Variants in RHOBTB2 observed in about 807,000 individuals in gnomAD.
The protein encoded by RHOBTB2 is rho-related BTB domain-containing protein 2.
A neutral mutation model predicts 66.5 loss-of-function variants in RHOBTB2; 39 were observed. The ratio of observed to expected loss-of-function variants is 0.59; its 90% confidence interval spans 0.45 to 0.77. The LOEUF (loss-of-function observed/expected upper bound fraction) is 0.77, where lower values mean the gene tolerates loss of function less well. Ranked by LOEUF, RHOBTB2 falls within the 30% of genes least tolerant of loss-of-function variation. The pLI is 0.00. For missense variants in RHOBTB2, 755 were observed against 999.1 expected, an observed-to-expected ratio of 0.76 and a Z score of 3.29; for synonymous variants, 390 against 395.0, an observed-to-expected ratio of 0.99 and a Z score of 0.15.
At position 23,014,785 on chromosome 8, in the gene RHOBTB2, T is replaced by C. The variant is rs772259785; in HGVS notation, c.1860+7T>C. On this transcript the variant is annotated splice_region_variant and intron_variant, in intron 8 of 9. Coordinates refer to ENST00000251822, the MANE Select transcript of RHOBTB2 (RefSeq NM_015178.3). ...GTTCCTGGAACTGGCTCAGGTATCA[T>C]GGCAGGGGAGGGAATCTACAACAGT... is the stretch of plus-strand genomic sequence containing the variant. 29 of 1,610,620 alleles carry C rather than the reference T, an allele frequency of 1.8e-5. No individual in the cohort carries two copies. The highest frequency in any genetic ancestry group is 6.7e-5 in the Admixed American group (4 of 59,952).
intron 2 of RHOBTB2, 115 bp from the exon 3 acceptor site, chr8:23,005,257 C>A: frequency 1.4e-6 from 1 of 717,484 alleles, no homozygotes; most frequent in South Asian, 1.5e-5. Flanking sequence ...CCTTGTCCCT[C>A]CATGCCCAGT....
At chr8:22,951,386 G>A in the RHOBTB2 span, among the ~76,000 whole-genome samples, 22 of 151,294 alleles carry the variant, frequency 1.5e-4, no homozygotes, top group African/African-American at 4.1e-4. Flanking sequence ...TGAGTGTCAC[G>A]CGCATCCATG....
Position 23,017,125 on chromosome 8 carries a change from C to T in RHOBTB2, c.1967-127C>T, listed in dbSNP as rs1252463160. 4 of 1,238,130 alleles carry T rather than the reference C, an allele frequency of 3.2e-6. No individual in the cohort carries two copies. In the East Asian group the frequency reaches 9.3e-5, roughly 29 times the overall value. 76.7% of individuals were successfully genotyped at this position (1,238,130 alleles called of 1,614,324 possible). A position where few individuals can be genotyped will look rare whatever the true frequency, so the allele number is the denominator to read the frequency against. On this transcript the variant is annotated intron_variant, in intron 9 of 9. Transcript: ENST00000251822. The surrounding 1 kb of genome is among the most constrained non-coding windows in gnomAD (Gnocchi z 5.3). ...CCTCGGAGGCTCATGTGCCGTGGGT[C>T]ATGGGGATGTGCTGGGGGCTGGGCT... is the stretch of plus-strand genomic sequence containing the variant.
At chr8:22,977,043 C>T in the RHOBTB2 span, among the ~76,000 whole-genome samples, 1 of 152,114 alleles carries the variant, frequency 6.6e-6, no homozygotes, top group Non-Finnish European at 1.5e-5. Flanking sequence ...TTGCTTGACT[C>T]CAGGAGTTCG....
At chr8:22,959,918 C>T in the RHOBTB2 span, among the ~76,000 whole-genome samples, 1 of 148,172 alleles carries the variant, frequency 6.7e-6, no homozygotes, top group Non-Finnish European at 1.5e-5. Flanking sequence ...AATCCCAGCA[C>T]ATTGAGAGGC....
At chr8:22,960,602 C>T in the RHOBTB2 span, among the ~76,000 whole-genome samples, 17 of 152,170 alleles carry the variant, frequency 1.1e-4, no homozygotes, top group African/African-American at 2.4e-4. Context: ...TATAGGCATG[C>T]GCTGCACCCG....
chr8:23,006,688 A>G lies in RHOBTB2; in HGVS notation c.483-40A>G. The G allele has an allele frequency of 6.4e-7, 1 of 1,565,862 alleles. No individual in the cohort carries two copies. Among genetic ancestry groups the G allele is most frequent in the Non-Finnish European group, 8.7e-7 (1 of 1,150,456 alleles). ...GTGGAAGAACAGGCAGCCTCCCTCC[A>G]CCACCAACACAAGCTTGGTTTCCTT... On this transcript the variant is annotated intron_variant, in intron 4 of 9. Coordinates refer to ENST00000251822, the MANE Select transcript of RHOBTB2 (RefSeq NM_015178.3). This position sits in a 1 kb window ranked among gnomAD's most constrained non-coding sequence, Gnocchi z 6.1.
rs117016308 is a variant in RHOBTB2, at chr8:22,994,132, G to C, written c.-23-429G>C. ...GCACGCACAGAGGATATCAGGGCCA[G>C]AATGAGTCTTGGAGGTCACCTGACC... On this transcript the variant is annotated intron_variant, in intron 2 of 11. Transcript: ENST00000519685. Among the ~76,000 whole-genome samples, 112 of 152,348 alleles carry C rather than the reference G, an allele frequency of 7.4e-4. 1 individual carries two copies. The East Asian group carries it at 0.021, about 29-fold the overall frequency.
At position 23,019,599 on chromosome 8, in the gene RHOBTB2, G is replaced by A. The variant is rs1340957910; in HGVS notation, c.*2130G>A. On this transcript the variant is annotated 3_prime_UTR_variant, in exon 10 of 10. Coordinates refer to ENST00000251822, the MANE Select transcript of RHOBTB2 (RefSeq NM_015178.3). ...ACGAAAGGGAGAGCGGGTCCTCCAG[G>A]GCAAGGGGAACGGGAAATAGGTCTC... The A allele has an allele frequency of 1.3e-5, 2 of 152,578 alleles. No homozygotes were observed. Among genetic ancestry groups the A allele is most frequent in the Non-Finnish European group, 2.9e-5 (2 of 68,336 alleles). 9.5% of individuals were successfully genotyped at this position (152,578 alleles called of 1,614,324 possible). A position where few individuals can be genotyped will look rare whatever the true frequency, so the allele number is the denominator to read the frequency against.
intron 8 of RHOBTB2, 61 bp downstream of exon 8, chr8:23,014,839 G>A (rs1252515336): frequency 6.6e-6 from 9 of 1,371,314 alleles, no homozygotes; most frequent in Non-Finnish European, 9.3e-6. Context: ...CTGCCCATTG[G>A]CTGCGAATGG....
the RHOBTB2 span, among the ~76,000 whole-genome samples, chr8:22,962,213 AGGAAAG>A: frequency 5.2e-5 from 6 of 115,792 alleles, no homozygotes; most frequent in Admixed American, 9.1e-5. Flanking sequence ...AAAAAAAAAA[AGGAAAG>A]AAAGAGAAAG....
chr8:22,980,579 G>A, the RHOBTB2 span, among the ~76,000 whole-genome samples: 1 of 152,148 alleles, frequency 6.6e-6, no homozygotes, highest in Admixed American at 6.5e-5. Flanking sequence ...TTACCAGTGT[G>A]AAGAGAAATA....
rs1379506839 is a variant in RHOBTB2, at chr8:23,010,606, C to G, written c.1689C>G (p.Phe563Leu). ...AVLEYLYTGMFTSSPDLDDMK... is the reference protein window; with the variant it reads ...AVLEYLYTGMLTSSPDLDDMK... The stretch of plus-strand genomic sequence containing the variant: ...TGGAATACCTCTACACCGGCATGTT[C>G]ACCTCCAGCCCCGACCTGGATGACA... Residue 563 changes from phenylalanine to leucine, a missense_variant, in exon 7 of 10, where the codon TTC becomes TTG. By Grantham distance (22) the Phe-to-Leu change is conservative. Coordinates refer to ENST00000251822, the MANE Select transcript of RHOBTB2 (RefSeq NM_015178.3). 1 of 1,614,218 alleles carries G rather than the reference C, an allele frequency of 6.2e-7. No homozygotes were observed. The highest frequency in any genetic ancestry group is 8.5e-7 in the Non-Finnish European group (1 of 1,180,038).
At chr8:23,003,726 C>T (rs1330019716) in intron 1 of RHOBTB2, among the ~76,000 whole-genome samples, 1 of 152,156 alleles carries the variant, frequency 6.6e-6, no homozygotes, top group East Asian at 1.9e-4. Context: ...CAGGACAGAC[C>T]CCGAATAGAG....
intron 1 of RHOBTB2, among the ~76,000 whole-genome samples, chr8:23,000,855 G>C (rs531173764): frequency 6.6e-6 from 1 of 152,240 alleles, no homozygotes; most frequent in East Asian, 1.9e-4. Flanking sequence ...GTGGGATACT[G>C]GTTGCTAGGA....
the RHOBTB2 span, among the ~76,000 whole-genome samples, chr8:22,958,802 G>GAAA: frequency 0.64 from 33,055 of 52,034 alleles, 12,118 homozygotes; most frequent in East Asian, 0.68. Context: ...GCCCCTCTCT[G>GAAA]AAAAAAAAAA....
At chr8:22,978,758 C>T in the RHOBTB2 span, among the ~76,000 whole-genome samples, 2 of 151,584 alleles carry the variant, frequency 1.3e-5, no homozygotes, top group East Asian at 1.9e-4. Flanking sequence ...AAATCATTTA[C>T]GAGTAAATAT....
At chr8:23,009,446 C>T (rs1811070839) in intron 6 of RHOBTB2, among the ~76,000 whole-genome samples, 1 of 152,160 alleles carries the variant, frequency 6.6e-6, no homozygotes, top group African/African-American at 2.4e-5. Context: ...CTCAATTGCC[C>T]ATCACTGAGT....
the RHOBTB2 span, among the ~76,000 whole-genome samples, chr8:22,978,467 A>T: frequency 6.7e-6 from 1 of 150,048 alleles, no homozygotes; most frequent in South Asian, 2.1e-4. Flanking sequence ...AGCCTGGGCG[A>T]CAGAGCGAGA....
Sources: gnomAD v4.1 joint callset for allele counts (sites outside exome capture counted in the v4.1 genomes callset) on GRCh38, gnomAD v4.1.1 for gene constraint, Gnocchi (gnomAD v3.1) non-coding constraint, MANE v1.5 for transcripts, NCBI Gene and HGNC (gene_info 2026-07-23, HGNC 2026-07-21) for gene names.